NEURL1: variants seen among roughly 807,000 people sequenced by gnomAD.
The protein encoded by NEURL1 is E3 ubiquitin-protein ligase NEURL1.
NEURL1 carries 26 observed loss-of-function variants against 41.2 expected under a neutral mutation model. That is an observed-to-expected ratio of 0.63 (90% confidence interval 0.46 to 0.87). The LOEUF is 0.87. Among genes scored for constraint, NEURL1 ranks in the 40% least tolerant of loss-of-function variants. The probability of loss-of-function intolerance (pLI) is 0.00; values close to 1 mark genes in which losing one functional copy is unlikely to be tolerated. For missense variants in NEURL1, 761 were observed against 871.1 expected (o/e 0.87, Z 1.59); for synonymous variants, 400 against 402.3 (o/e 0.99, Z 0.07).
chr10:103,586,252 C>T (rs2035921549), intron 4 of NEURL1, among the ~76,000 whole-genome samples: 1 of 152,142 alleles, frequency 6.6e-6, no homozygotes, highest in South Asian at 2.1e-4. Flanking sequence ...GAAATCTTTT[C>T]ACAAAGTGTC....
At position 103,552,731 on chromosome 10, in the gene NEURL1, G is replaced by A. The variant is rs1389934665; in HGVS notation, c.86-18141G>A. Reference sequence around the variant, plus strand: ...GACACATAGTAGGGGATCAATAAATGTGGGTAGAGTTGAATTAAATGGTTG... The same window carrying A: ...GACACATAGTAGGGGATCAATAAATATGGGTAGAGTTGAATTAAATGGTTG... On this transcript the variant is annotated intron_variant, in intron 1 of 5. Transcript: ENST00000369780. 3.3e-5 allele frequency among the ~76,000 whole-genome samples: 5 copies of A among 152,334 alleles called. No homozygotes were observed. In the East Asian group the frequency reaches 9.6e-4, roughly 29 times the overall value.
chr10:103,541,750 T>G (rs755836755), intron 1 of NEURL1, among the ~76,000 whole-genome samples: 1 of 152,224 alleles, frequency 6.6e-6, no homozygotes, highest in Admixed American at 6.5e-5. Flanking sequence ...GCCTATCTAT[T>G]GCAATAACAA....
intron 1 of NEURL1, among the ~76,000 whole-genome samples, chr10:103,543,702 G>A (rs1321433680): frequency 1.3e-5 from 2 of 152,236 alleles, no homozygotes; most frequent in African/African-American, 2.4e-5. Context: ...GCCTTGGAGA[G>A]GGATAGTCTG....
Position 103,545,391 on chromosome 10 carries a change from TG to T in NEURL1, c.86-25477del, listed in dbSNP as rs569120849. ...TGGGGCTATGAGATGTGAGGTTGTC[TG>T]GGGTTGGGGTCAGGGACTCAGTCTA... On this transcript the variant is annotated intron_variant, in intron 1 of 5. Transcript: ENST00000369780. This position sits in a 1 kb window ranked among gnomAD's most constrained non-coding sequence, Gnocchi z 4.5. Among the ~76,000 whole-genome samples, 289 of 152,270 alleles carry T rather than the reference TG, an allele frequency of 1.9e-3. No homozygotes were observed. Among genetic ancestry groups the T allele is most frequent in the Non-Finnish European group, 3.4e-3 (234 of 68,016 alleles).
chr10:103,521,702 C>T (rs2034352514), intron 1 of NEURL1, among the ~76,000 whole-genome samples: 1 of 152,130 alleles, frequency 6.6e-6, no homozygotes, highest in Admixed American at 6.5e-5. Flanking sequence ...AACCATTTGC[C>T]TTGTGTGGGA....
Position 103,558,543 on chromosome 10 carries a change from G to A in NEURL1, c.86-12329G>A, listed in dbSNP as rs1389375686. On this transcript the variant is annotated intron_variant, in intron 1 of 5. Coordinates refer to ENST00000369780, the MANE Select transcript of NEURL1 (RefSeq NM_004210.5). The surrounding 1 kb of genome is among the most constrained non-coding windows in gnomAD (Gnocchi z 4.2). ...TGTGTGTGTGTGTGTGTGTGTGTGT[G>A]TGTGTAGTGGGGCTGGTGGTGAGGA... Among the ~76,000 whole-genome samples, 4 of 147,714 alleles carry A rather than the reference G, an allele frequency of 2.7e-5. No individual in the cohort carries two copies. Among genetic ancestry groups the A allele is most frequent in the South Asian group, 2.1e-4 (1 of 4,726 alleles).
rs767026151 is a variant in NEURL1, at chr10:103,566,283, A to T, written c.86-4589A>T. On this transcript the variant is annotated intron_variant, in intron 1 of 5. Transcript: ENST00000369780. This position sits in a 1 kb window ranked among gnomAD's most constrained non-coding sequence, Gnocchi z 4.2. ...TTTTTATTTTTATCTGTACAACGAG[A>T]TGAGGTCTCACGGTGTTGTCCAGGC... Among the ~76,000 whole-genome samples the T allele has an allele frequency of 8.5e-5, 13 of 152,050 alleles. No individual in the cohort carries two copies. Among genetic ancestry groups the T allele is most frequent in the Non-Finnish European group, 1.8e-4 (12 of 68,008 alleles).
At position 103,508,516 on chromosome 10, in the gene NEURL1, C is replaced by T. The variant is rs1564804478; in HGVS notation, c.85+14044C>T. Among the ~76,000 whole-genome samples the T allele has an allele frequency of 1.3e-5, 2 of 152,188 alleles. No individual in the cohort carries two copies. Among genetic ancestry groups the T allele is most frequent in the East Asian group, 1.9e-4 (1 of 5,188 alleles). ...GGAGTGCCAGCCCTGTCTGGGTGGA[C>T]AGACTTTCTCACCCACCCCTCCGCA... On this transcript the variant is annotated intron_variant, in intron 1 of 5. Coordinates refer to ENST00000369780, the MANE Select transcript of NEURL1 (RefSeq NM_004210.5). The surrounding 1 kb of genome is among the most constrained non-coding windows in gnomAD (Gnocchi z 4.3).
Position 103,573,381 on chromosome 10 carries a change from A to G in NEURL1, c.649+1559A>G, listed in dbSNP as rs540051594. On this transcript the variant is annotated intron_variant, in intron 3 of 5. Coordinates refer to ENST00000369780, the MANE Select transcript of NEURL1 (RefSeq NM_004210.5). Reference sequence around the variant, plus strand: ...GCAGATCCTAGCCTCACGCTGTACTAGTTGTGGGGCCTCAGTTTCTTCATC... The same window carrying G: ...GCAGATCCTAGCCTCACGCTGTACTGGTTGTGGGGCCTCAGTTTCTTCATC... 5.3e-5 allele frequency among the ~76,000 whole-genome samples: 8 copies of G among 152,106 alleles called. No homozygotes were observed. In the South Asian group the frequency reaches 1.7e-3, roughly 32 times the overall value.
chr10:103,512,428 C>G (rs1038229214), intron 1 of NEURL1, among the ~76,000 whole-genome samples: 1 of 152,194 alleles, frequency 6.6e-6, no homozygotes, highest in Non-Finnish European at 1.5e-5. Flanking sequence ...ACCATTGGTC[C>G]TGGCTCTGCC....
chr10:103,552,191 C>G (rs1255999201), intron 1 of NEURL1, among the ~76,000 whole-genome samples: 1 of 152,146 alleles, frequency 6.6e-6, no homozygotes, highest in African/African-American at 2.4e-5. Flanking sequence ...CTCCCTCACC[C>G]TTCACAACCA....
At chr10:103,516,235 A>G (rs562142377) in intron 1 of NEURL1, among the ~76,000 whole-genome samples, 1 of 151,074 alleles carries the variant, frequency 6.6e-6, no homozygotes, top group African/African-American at 2.4e-5. Context: ...CTCAAAAAAA[A>G]AAAAAAAAAG....
chr10:103,496,113 A>T (rs2033679660), intron 1 of NEURL1, among the ~76,000 whole-genome samples: 1 of 121,932 alleles, frequency 8.2e-6, no homozygotes, highest in Non-Finnish European at 1.8e-5. Context: ...CTGTCTTGCT[A>T]AAAAAAAAAA....
At chr10:103,564,463 C>T (rs1018097773) in intron 1 of NEURL1, among the ~76,000 whole-genome samples, 3 of 152,168 alleles carry the variant, frequency 2.0e-5, no homozygotes, top group African/African-American at 7.2e-5. Context: ...CACTTTGCTG[C>T]AGCTGCTCCC....
In NEURL1 at chr10:103,590,115, G is replaced by T; in HGVS notation, c.1487-19G>T. The T allele has an allele frequency of 6.2e-7, 1 of 1,611,034 alleles. No homozygotes were observed. Among genetic ancestry groups the T allele is most frequent in the Non-Finnish European group, 8.5e-7 (1 of 1,178,808 alleles). The stretch of plus-strand genomic sequence containing the variant: ...GGTTGGGCCATGTCTCCTCCTGACT[G>T]GTGCCCCCTTGTCCTCAGGGACAGC... On this transcript the variant is annotated intron_variant, in intron 5 of 5. Coordinates refer to ENST00000369780, the MANE Select transcript of NEURL1 (RefSeq NM_004210.5).
At chr10:103,514,868 TCTCTGGACAGCCCC>T (rs147243974) in intron 1 of NEURL1, among the ~76,000 whole-genome samples, 40,311 of 151,796 alleles carry the variant, frequency 0.27, 5,748 homozygotes, top group East Asian at 0.42. Context: ...CTTGGGGCTC[TCTCTGGACAGCCCC>T]CTCTCCCCAT....
rs1454136469 is a variant in NEURL1 at position 103,590,394 on chromosome 10, G to A, written c.*22G>A. ...CTAGCCCGTTGCGGTGGCCCATCCC[G>A]CATACCCATCTTCTCGGGCTTCAGC... On this transcript the variant is annotated 3_prime_UTR_variant, in exon 6 of 6. Coordinates refer to ENST00000369780, the MANE Select transcript of NEURL1 (RefSeq NM_004210.5). 4.4e-6 allele frequency: 7 copies of A among 1,583,736 alleles called. No homozygotes were observed. Among genetic ancestry groups the A allele is most frequent in the South Asian group, 1.1e-5 (1 of 90,530 alleles).
chr10:103,515,156 A>T (rs1007585125), intron 1 of NEURL1, among the ~76,000 whole-genome samples: 1 of 132,582 alleles, frequency 7.5e-6, no homozygotes, highest in Non-Finnish European at 1.5e-5. Flanking sequence ...TGAGCCTGGG[A>T]GGCGGAGGTT....
chr10:103,557,749 T>C (rs2035187344), intron 1 of NEURL1, among the ~76,000 whole-genome samples: 1 of 152,244 alleles, frequency 6.6e-6, no homozygotes, highest in African/African-American at 2.4e-5. Flanking sequence ...GGCTCTGGTT[T>C]CACCTTCTTC....
Sources: gnomAD v4.1 joint callset for allele counts (sites outside exome capture counted in the v4.1 genomes callset) on GRCh38, gnomAD v4.1.1 for gene constraint, Gnocchi (gnomAD v3.1) non-coding constraint, MANE v1.5 for transcripts, NCBI Gene and HGNC (gene_info 2026-07-23, HGNC 2026-07-21) for gene names.